Variants in OPCML observed in about 807,000 individuals in gnomAD.
OPCML encodes opioid-binding protein/cell adhesion molecule.
Under a neutral mutation model 37.8 loss-of-function variants are expected in OPCML, and 13 were observed. The observed-to-expected ratio is 0.34, with a 90% CI of 0.22 to 0.55. The LOEUF is 0.55. Among genes scored for constraint, OPCML ranks in the 20% least tolerant of loss-of-function variants. OPCML has a pLI of 0.91. For synonymous variants in OPCML, 176 were observed against 168.8 expected (o/e 1.04, Z -0.33); for missense variants, 341 against 435.6 (o/e 0.78, Z 1.93).
chr11:132,604,839 G>T (rs1565703512), intron 3 of OPCML, among the ~76,000 whole-genome samples: 1 of 152,152 alleles, frequency 6.6e-6, no homozygotes, highest in Non-Finnish European at 1.5e-5. Flanking sequence ...GATGTAGAGG[G>T]TATAGTGAAG....
chr11:133,097,776 C>G (rs917926975), intron 1 of OPCML, among the ~76,000 whole-genome samples: 3 of 152,060 alleles, frequency 2.0e-5, no homozygotes, highest in African/African-American at 7.2e-5. Context: ...TGAAACAGAC[C>G]AATTTCTTGA....
intron 1 of OPCML, among the ~76,000 whole-genome samples, chr11:133,101,139 G>T (rs1949079732): frequency 6.6e-6 from 1 of 152,080 alleles, no homozygotes; most frequent in Admixed American, 6.6e-5. Context: ...TGGCCAGGCT[G>T]GTCTTGAACT....
intron 2 of OPCML, among the ~76,000 whole-genome samples, chr11:132,742,294 T>C (rs1278202831): frequency 6.6e-6 from 1 of 152,210 alleles, no homozygotes; most frequent in African/African-American, 2.4e-5. Context: ...ATGAGATGGC[T>C]TTAGGAAGTG....
At chr11:133,199,190 T>C (rs1169176330) in intron 1 of OPCML, among the ~76,000 whole-genome samples, 1 of 152,182 alleles carries the variant, frequency 6.6e-6, no homozygotes, top group South Asian at 2.1e-4. Context: ...CAGAACCACC[T>C]ATGCAGGAGG....
chr11:132,924,936 C>G (rs1368633017), intron 2 of OPCML, among the ~76,000 whole-genome samples: 1 of 152,108 alleles, frequency 6.6e-6, no homozygotes, highest in Non-Finnish European at 1.5e-5. Flanking sequence ...TCCCACAGTT[C>G]TTAGATTTTC....
chr11:133,355,764 G>A (rs947283098), intron 1 of OPCML, among the ~76,000 whole-genome samples: 2 of 152,198 alleles, frequency 1.3e-5, no homozygotes, highest in Admixed American at 1.3e-4. Flanking sequence ...GGGGTCTTAA[G>A]TAGGTACCTC....
intron 2 of OPCML, among the ~76,000 whole-genome samples, chr11:132,740,596 C>T (rs890345597): frequency 3.9e-5 from 6 of 152,048 alleles, no homozygotes; most frequent in South Asian, 4.2e-4. Flanking sequence ...CCTATCACCT[C>T]GCTACTCTAT....
At chr11:132,900,902 T>G (rs1054557226) in intron 2 of OPCML, among the ~76,000 whole-genome samples, 51 of 152,166 alleles carry the variant, frequency 3.4e-4, no homozygotes, top group African/African-American at 1.2e-3. Context: ...ATTTAAAGTC[T>G]ATCTCCGGGG....
At chr11:133,506,046 T>C (rs1198667874) in intron 1 of OPCML, among the ~76,000 whole-genome samples, 2 of 152,212 alleles carry the variant, frequency 1.3e-5, no homozygotes, top group African/African-American at 4.8e-5. Context: ...AGCACAATGT[T>C]AGAATAATAA....
chr11:133,236,192 A>G (rs1379710151), intron 1 of OPCML, among the ~76,000 whole-genome samples: 1 of 152,174 alleles, frequency 6.6e-6, no homozygotes, highest in Non-Finnish European at 1.5e-5. Context: ...ATGCACTGCG[A>G]TAATCCCCAC....
rs1384850127 is a variant in OPCML, at chr11:133,212,893, G to A, written c.62-269883C>T. On this transcript the variant is annotated intron_variant, in intron 1 of 7. Coordinates refer to ENST00000524381, the MANE Select transcript of OPCML (RefSeq NM_001012393.5). This position sits in a 1 kb window ranked among gnomAD's most constrained non-coding sequence, Gnocchi z 4.9. Reference sequence around the variant, plus strand: ...AATTCCACGTTTGTATCTGCGTCATGCCGTTAAACCACACATCAAGCTTTT... The same window carrying A: ...AATTCCACGTTTGTATCTGCGTCATACCGTTAAACCACACATCAAGCTTTT... Among the ~76,000 whole-genome samples, 1 of 152,160 alleles carries A rather than the reference G, an allele frequency of 6.6e-6. No individual in the cohort carries two copies. The highest frequency in any genetic ancestry group is 2.4e-5 in the African/African-American group (1 of 41,432).
At chr11:133,458,574 C>CGTGTGT (rs577466946) in intron 1 of OPCML, among the ~76,000 whole-genome samples, 2 of 85,792 alleles carry the variant, frequency 2.3e-5, no homozygotes, top group East Asian at 3.1e-4. Flanking sequence ...CATATATACA[C>CGTGTGT]GTGTGTGTAC....
chr11:133,191,522 T>TGG (rs1436280583), intron 1 of OPCML, among the ~76,000 whole-genome samples: 47 of 151,970 alleles, frequency 3.1e-4, no homozygotes, highest in African/African-American at 1.1e-3. Context: ...TGTGTGTGTG[T>TGG]GTGTGTGTGT....
rs566140092 is a variant in OPCML at position 133,512,604 on chromosome 11, A to C, written c.61+19660T>G. On this transcript the variant is annotated intron_variant, in intron 1 of 7. Coordinates refer to ENST00000524381, the MANE Select transcript of OPCML (RefSeq NM_001012393.5). ...TCTCAGGGGAACAACTGGAAGTCCC[A>C]ACCTTCCAATCACATGTTTGGTTCC... is the stretch of plus-strand genomic sequence containing the variant. Among the ~76,000 whole-genome samples, 3 of 152,314 alleles carry C rather than the reference A, an allele frequency of 2.0e-5. No individual in the cohort carries two copies. The East Asian group carries it at 5.8e-4, about 29-fold the overall frequency.
intron 2 of OPCML, among the ~76,000 whole-genome samples, chr11:132,726,204 T>C (rs989705937): frequency 2.6e-5 from 4 of 152,188 alleles, no homozygotes; most frequent in Admixed American, 2.6e-4. Context: ...CTGGGCAATT[T>C]ACAAAAGGAA....
intron 1 of OPCML, among the ~76,000 whole-genome samples, chr11:133,018,867 T>C (rs767650676): frequency 6.6e-5 from 10 of 152,318 alleles, no homozygotes; most frequent in Admixed American, 1.3e-4. Flanking sequence ...AGCCCTTAAA[T>C]GAGGACTGAC....
chr11:133,325,194 T>C (rs1258364749), intron 1 of OPCML, among the ~76,000 whole-genome samples: 3 of 152,226 alleles, frequency 2.0e-5, no homozygotes, highest in African/African-American at 4.8e-5. Context: ...ACATTCTCAC[T>C]GTGCACTGCT....
intron 3 of OPCML, among the ~76,000 whole-genome samples, chr11:132,585,665 T>C (rs1233428806): frequency 6.6e-6 from 1 of 152,160 alleles, no homozygotes; most frequent in African/African-American, 2.4e-5. Flanking sequence ...CCTATGGAGA[T>C]ATGGACTAAA....
In OPCML at chr11:133,097,142, TC is replaced by T. The variant is rs145100619; in HGVS notation, c.62-154133del. Among the ~76,000 whole-genome samples the T allele has an allele frequency of 3.3e-3, 498 of 152,180 alleles. 1 individual carries two copies. Among genetic ancestry groups the T allele is most frequent in the African/African-American group, 0.012 (483 of 41,526 alleles). On this transcript the variant is annotated intron_variant, in intron 1 of 7. Coordinates refer to ENST00000524381, the MANE Select transcript of OPCML (RefSeq NM_001012393.5). ...GGAACATTTATCAAGACAGACCACA[TC>T]CAGAACTGAAAACATACCTTAAGAA... is the stretch of plus-strand genomic sequence containing the variant.
Sources: allele counts gnomAD v4.1 joint callset (sites outside exome capture counted in the v4.1 genomes callset), GRCh38; gene constraint gnomAD v4.1.1; non-coding constraint Gnocchi (gnomAD v3.1); transcripts MANE v1.5; gene names NCBI Gene and HGNC (gene_info 2026-07-23, HGNC 2026-07-21).